Variants in ADAMTSL1 observed in about 807,000 individuals in gnomAD.
The protein encoded by ADAMTSL1 is ADAMTS like 1.
ADAMTSL1 carries 126 observed loss-of-function variants against 201.8 expected under a neutral mutation model. The observed-to-expected ratio is 0.62, with a 90% CI of 0.54 to 0.72. The LOEUF (loss-of-function observed/expected upper bound fraction) is 0.72. Among genes scored for constraint, ADAMTSL1 ranks in the 30% least tolerant of loss-of-function variants. The pLI is 0.00. For missense variants in ADAMTSL1, 2,679 were observed against 2,277.8 expected, an observed-to-expected ratio of 1.18 and a Z score of -3.59; for synonymous variants, 1,121 against 903.4, an observed-to-expected ratio of 1.24 and a Z score of -4.32.
rs191340004 is a variant in ADAMTSL1, at chr9:18,894,856, C to T, written c.4851+2260C>T. ...GATTAAGAAAAGGCACAGGACAGAACCCTGAGGAACACAACACTAATTAAA... is the reference window on the plus strand; with the variant it reads ...GATTAAGAAAAGGCACAGGACAGAATCCTGAGGAACACAACACTAATTAAA... On this transcript the variant is annotated intron_variant, in intron 26 of 28. Coordinates refer to ENST00000380548, the MANE Select transcript of ADAMTSL1 (RefSeq NM_001040272.6). Among the ~76,000 whole-genome samples, 7 of 152,068 alleles carry T rather than the reference C, an allele frequency of 4.6e-5. No individual in the cohort carries two copies. In the South Asian group the frequency reaches 1.5e-3, roughly 32 times the overall value.
intron 3 of ADAMTSL1, among the ~76,000 whole-genome samples, chr9:18,558,324 G>T (rs1011541571): frequency 1.3e-5 from 2 of 152,070 alleles, no homozygotes; most frequent in Non-Finnish European, 2.9e-5. Context: ...CCATGTGCCT[G>T]CACAGGACAT....
In ADAMTSL1 at chr9:18,317,575, G is replaced by T. The variant is rs192904446; in HGVS notation, c.207+153594G>T. Among the ~76,000 whole-genome samples, 10 of 152,306 alleles carry T rather than the reference G, an allele frequency of 6.6e-5. No individual in the cohort carries two copies. In the East Asian group the frequency reaches 1.5e-3, roughly 24 times the overall value. On this transcript the variant is annotated intron_variant, in intron 2 of 29. Transcript: ENST00000680146. Reference sequence around the variant, plus strand: ...TGTTTGTCAATTATGCCTCAGGAAAGTTGGGGCAGGGAGCCCTTCAGGTAT... The same window carrying T: ...TGTTTGTCAATTATGCCTCAGGAAATTTGGGGCAGGGAGCCCTTCAGGTAT...
intron 2 of ADAMTSL1, among the ~76,000 whole-genome samples, chr9:18,321,094 A>C (rs1834597156): frequency 6.6e-6 from 1 of 152,202 alleles, no homozygotes; most frequent in Non-Finnish European, 1.5e-5. Flanking sequence ...CCCACAAGTA[A>C]GTTTTAAGTA....
intron 1 of ADAMTSL1, among the ~76,000 whole-genome samples, chr9:18,483,799 C>T (rs1821851345): frequency 1.3e-5 from 2 of 152,072 alleles, no homozygotes; most frequent in Non-Finnish European, 2.9e-5. Context: ...TGCACTCCAG[C>T]CTGGGCGACA....
intron 1 of ADAMTSL1, among the ~76,000 whole-genome samples, chr9:18,111,230 T>C (rs1376224809): frequency 6.6e-6 from 1 of 152,214 alleles, no homozygotes; most frequent in Non-Finnish European, 1.5e-5. Flanking sequence ...ACAAGAGTTA[T>C]TTTATAAATC....
chr9:18,705,375 G>A (rs1008856985), intron 13 of ADAMTSL1, among the ~76,000 whole-genome samples: 3 of 152,260 alleles, frequency 2.0e-5, no homozygotes, highest in African/African-American at 7.2e-5. Flanking sequence ...AACTATTAGT[G>A]GTTGCTTCTG....
chr9:18,888,057 C>T lies in ADAMTSL1; in HGVS notation c.4462+14C>T, dbSNP rs372303342. The stretch of plus-strand genomic sequence containing the variant: ...TAGTGATCCAAGGTAAGAAACCCTG[C>T]AGACTTTGCATACTGGACTTGAACA... On this transcript the variant is annotated intron_variant, in intron 24 of 28. Coordinates refer to ENST00000380548, the MANE Select transcript of ADAMTSL1 (RefSeq NM_001040272.6). 1.2e-6 allele frequency: 2 copies of T among 1,607,828 alleles called. No homozygotes were observed. Among genetic ancestry groups the T allele is most frequent in the South Asian group, 1.1e-5 (1 of 90,786 alleles).
intron 19 of ADAMTSL1, among the ~76,000 whole-genome samples, chr9:18,786,576 C>A (rs1178586875): frequency 6.6e-6 from 1 of 152,188 alleles, no homozygotes; most frequent in Non-Finnish European, 1.5e-5. Flanking sequence ...GCCTGACACA[C>A]AGTGGATACT....
intron 4 of ADAMTSL1, among the ~76,000 whole-genome samples, chr9:18,588,447 GAA>G (rs142320386): frequency 0.058 from 8,828 of 152,082 alleles, 330 homozygotes; most frequent in Non-Finnish European, 0.086. Context: ...TTGCTGTGCA[GAA>G]GTTTTTAGCT....
intron 23 of ADAMTSL1, among the ~76,000 whole-genome samples, chr9:18,849,569 G>GCAAGGAAGGTGATGC (rs1826349745): frequency 6.6e-6 from 1 of 152,182 alleles, no homozygotes; most frequent in Admixed American, 6.5e-5. Context: ...CCAACAGGTG[G>GCAAGGAAGGTGATGC]CAAGGAAGGT....
At chr9:18,073,651 T>C (rs1823063078) in intron 1 of ADAMTSL1, among the ~76,000 whole-genome samples, 1 of 152,192 alleles carries the variant, frequency 6.6e-6, no homozygotes, top group Admixed American at 6.5e-5. Context: ...ATCATGTTAT[T>C]GACATTTAAA....
intron 1 of ADAMTSL1, among the ~76,000 whole-genome samples, chr9:18,475,514 C>T (rs1002772808): frequency 6.6e-6 from 1 of 152,022 alleles, no homozygotes; most frequent in African/African-American, 2.4e-5. Context: ...TGCTGCATTG[C>T]AAGTGCTATA....
intron 1 of ADAMTSL1, among the ~76,000 whole-genome samples, chr9:18,135,641 A>T (rs532050566): frequency 6.6e-6 from 1 of 151,890 alleles, no homozygotes. Context: ...AAAAATACAG[A>T]GTTTTCTTTT....
At chr9:18,216,648 CTTTTTT>C (rs5896775) in intron 2 of ADAMTSL1, among the ~76,000 whole-genome samples, 1 of 133,974 alleles carries the variant, frequency 7.5e-6, no homozygotes, top group Non-Finnish European at 1.6e-5. Flanking sequence ...TCTTGCTCTC[CTTTTTT>C]TTTTTTTTTT....
Position 18,777,574 on chromosome 9 carries a change from C to A in ADAMTSL1, c.3345C>A (p.His1115Gln). The A allele has an allele frequency of 6.2e-7, 1 of 1,610,114 alleles. No individual in the cohort carries two copies. Among genetic ancestry groups the A allele is most frequent in the Non-Finnish European group, 8.5e-7 (1 of 1,178,436 alleles). Residue 1115 changes from histidine (H) to glutamine (Q), a missense_variant, in exon 19 of 29, where the codon CAC becomes CAA. By Grantham distance (24) the His-to-Gln change is conservative (BLOSUM62 0). Transcript: ENST00000380548. The part of the protein sequence containing the change: ...AQEIFRSHLE[H>Q]QDTLLKPSER... ...AGATCTTCCGCAGCCACCTGGAGCA[C>A]CAGGACACGCTCCTGAAGCCCTCGG...
At chr9:18,551,555 T>C (rs1417323112) in intron 3 of ADAMTSL1, among the ~76,000 whole-genome samples, 1 of 151,430 alleles carries the variant, frequency 6.6e-6, no homozygotes, top group Non-Finnish European at 1.5e-5. Context: ...AATTTTTTTT[T>C]TTTTTTTTAA....
At position 18,040,075 on chromosome 9, in the gene ADAMTSL1, T is replaced by A. The variant is rs558070942; in HGVS notation, c.88-123787T>A. Among the ~76,000 whole-genome samples, 5 of 152,334 alleles carry A rather than the reference T, an allele frequency of 3.3e-5. No homozygotes were observed. The East Asian group carries it at 9.6e-4, about 29-fold the overall frequency. On this transcript the variant is annotated intron_variant, in intron 1 of 29. Coordinates refer to the ADAMTSL1 transcript ENST00000680146. ...TGTCTGTTTTGTCATTTATTCAGCA[T>A]TATTTTATTTTTAAAACCATTATCA... is the stretch of plus-strand genomic sequence containing the variant.
At chr9:18,897,048 C>T (rs1055154702) in intron 26 of ADAMTSL1, among the ~76,000 whole-genome samples, 1 of 152,218 alleles carries the variant, frequency 6.6e-6, no homozygotes, top group Non-Finnish European at 1.5e-5. Context: ...CTGTTCTAGC[C>T]TGCCAGTTCC....
intron 1 of ADAMTSL1, among the ~76,000 whole-genome samples, chr9:17,914,523 A>T (rs1338503706): frequency 6.6e-6 from 1 of 152,088 alleles, no homozygotes; most frequent in Non-Finnish European, 1.5e-5. Context: ...GACGTATCTC[A>T]AAATAATAAG....
Sources: allele counts gnomAD v4.1 joint callset (sites outside exome capture counted in the v4.1 genomes callset), GRCh38; gene constraint gnomAD v4.1.1; transcripts MANE v1.5; gene names NCBI Gene and HGNC (gene_info 2026-07-23, HGNC 2026-07-21).